The following FHAD1 variants were observed in gnomAD, a reference collection of about 807,000 sequenced individuals.
FHAD1 encodes forkhead-associated domain-containing protein 1.
FHAD1 carries 146 observed loss-of-function variants against 191.3 expected under a neutral mutation model. The observed-to-expected ratio is 0.76, with a 90% CI of 0.67 to 0.88. The LOEUF is 0.88. FHAD1 is among the 40% of genes least tolerant of loss of function. The probability of loss-of-function intolerance (pLI) is 0.00; values close to 1 mark genes in which losing one functional copy is unlikely to be tolerated. For missense variants in FHAD1, 1,635 were observed against 1,785.8 expected (o/e 0.92, Z 1.52); for synonymous variants, 616 against 672.3 (o/e 0.92, Z 1.29).
intron 1 of FHAD1, among the ~76,000 whole-genome samples, 155 bp from the exon 2 acceptor site, chr1:15,251,616 G>T (rs1001396232): frequency 6.6e-6 from 1 of 152,126 alleles, no homozygotes; most frequent in Non-Finnish European, 1.5e-5. Context: ...AATTGTCCTT[G>T]TCGTCATTGT....
In FHAD1 at chr1:15,329,008, T is replaced by C. The variant is rs1193977284; in HGVS notation, c.1711-338T>C. 3 of 184,594 alleles carry C rather than the reference T, an allele frequency of 1.6e-5. No individual in the cohort carries two copies. Among genetic ancestry groups the C allele is most frequent in the Non-Finnish European group, 3.4e-5 (3 of 88,834 alleles). The allele number at this position is 184,594 out of a possible 1,614,324, so 11.4% of individuals were successfully genotyped here. ...GAAACCACGCTTTCCGACCAGCTTGTGTGTTGATCTTGGCAGGAATTCTGA... is the reference window on the plus strand; with the variant it reads ...GAAACCACGCTTTCCGACCAGCTTGCGTGTTGATCTTGGCAGGAATTCTGA... On this transcript the variant is annotated intron_variant, in intron 13 of 33. Coordinates refer to ENST00000688493, the MANE Select transcript of FHAD1 (RefSeq NM_001391957.1). This position sits in a 1 kb window ranked among gnomAD's most constrained non-coding sequence, Gnocchi z 5.0.
chr1:15,239,604 G>GAAA (rs1645137420), intron 1 of FHAD1, among the ~76,000 whole-genome samples: 2 of 151,542 alleles, frequency 1.3e-5, no homozygotes. Context: ...AAAACAAAAA[G>GAAA]AACAACAAAG....
chr1:15,299,361 T>G (rs867048079), intron 5 of FHAD1, among the ~76,000 whole-genome samples: 2 of 152,190 alleles, frequency 1.3e-5, no homozygotes, highest in Non-Finnish European at 1.5e-5. Context: ...CTCCACTGTT[T>G]CCCTCATAGT....
chr1:15,292,498 T>C (rs1665191797), intron 4 of FHAD1, among the ~76,000 whole-genome samples: 1 of 152,216 alleles, frequency 6.6e-6, no homozygotes, highest in Non-Finnish European at 1.5e-5. Flanking sequence ...CACGCCCAGC[T>C]AATTTTTTGT....
chr1:15,383,110 C>G (rs773842980), intron 31 of FHAD1: 3 of 471,824 alleles, frequency 6.4e-6, no homozygotes, highest in Non-Finnish European at 8.8e-6. Context: ...ACTGTGCGAC[C>G]TTGTGCAGAT....
chr1:15,310,426 C>T (rs944250182), intron 7 of FHAD1, among the ~76,000 whole-genome samples: 6 of 152,158 alleles, frequency 3.9e-5, no homozygotes, highest in African/African-American at 1.2e-4. Context: ...AGGGGGATCT[C>T]GCTGGGCCCT....
intron 3 of FHAD1, among the ~76,000 whole-genome samples, chr1:15,274,134 G>A (rs1050679209): frequency 6.6e-6 from 1 of 152,158 alleles, no homozygotes; most frequent in African/African-American, 2.4e-5. Context: ...TTGCTTATCC[G>A]TTCTTCCATG....
At position 15,291,664 on chromosome 1, in the gene FHAD1, G is replaced by T. The variant is rs1483631584; in HGVS notation, c.568+1998G>T. Among the ~76,000 whole-genome samples, 6 of 152,166 alleles carry T rather than the reference G, an allele frequency of 3.9e-5. No individual in the cohort carries two copies. In the East Asian group the frequency reaches 9.6e-4, roughly 24 times the overall value. ...GCGTTATCTTACACAGTTTCTGGGG[G>T]TCAGGCATTTGGGAGTAGCTTAGCA... On this transcript the variant is annotated intron_variant, in intron 4 of 33. Transcript: ENST00000688493.
At chr1:15,309,746 C>T (rs1371699818) in intron 7 of FHAD1, among the ~76,000 whole-genome samples, 1 of 151,844 alleles carries the variant, frequency 6.6e-6, no homozygotes, top group African/African-American at 2.4e-5. Flanking sequence ...GACCCTTCTT[C>T]TTCTTCCAGT....
intron 2 of FHAD1, among the ~76,000 whole-genome samples, chr1:15,269,394 C>T (rs1403182122): frequency 1.3e-5 from 2 of 152,130 alleles, no homozygotes; most frequent in African/African-American, 2.4e-5. Context: ...TTTTTAATTT[C>T]TCCTGAGATT....
chr1:15,281,844 C>T (rs1302491593), intron 3 of FHAD1, among the ~76,000 whole-genome samples: 1 of 149,944 alleles, frequency 6.7e-6, no homozygotes, highest in Non-Finnish European at 1.5e-5. Flanking sequence ...TTGGGGATTA[C>T]TTATGTGTGT....
Position 15,382,145 on chromosome 1 carries a change from C to T in FHAD1, c.4140C>T (p.His1380=). 1 of 1,551,992 alleles carries T rather than the reference C, an allele frequency of 6.4e-7. No individual in the cohort carries two copies. The highest frequency in any genetic ancestry group is 1.4e-5 in the African/African-American group (1 of 73,132). The change falls in exon 31 of 34, where the codon CAC becomes CAT. Residue 1380 remains histidine, a synonymous_variant. Transcript: ENST00000688493. ...LLKEALERME[H]QLCQEKRINR... ...AGGAGGCCCTGGAGCGCATGGAGCACCAGCTGTGCCAGGAGAAGAGGATCA... is the reference window on the plus strand; with the variant it reads ...AGGAGGCCCTGGAGCGCATGGAGCATCAGCTGTGCCAGGAGAAGAGGATCA...
chr1:15,338,978 T>C (rs1685417144), intron 14 of FHAD1, among the ~76,000 whole-genome samples: 1 of 152,164 alleles, frequency 6.6e-6, no homozygotes, highest in African/African-American at 2.4e-5. Context: ...AAAAAGAAAG[T>C]TGGATGTGAG....
chr1:15,295,122 A>T (rs1288503729), intron 4 of FHAD1, among the ~76,000 whole-genome samples: 1 of 152,204 alleles, frequency 6.6e-6, no homozygotes, highest in African/African-American at 2.4e-5. Context: ...AATGGTTATG[A>T]GTACAGGCTC....
At chr1:15,383,577 C>G (rs1286213715) in intron 31 of FHAD1, 4 of 322,470 alleles carry the variant, frequency 1.2e-5, no homozygotes, top group Non-Finnish European at 2.5e-5. Flanking sequence ...CCACAAGGCA[C>G]TGGAACAGTG....
intron 2 of FHAD1, among the ~76,000 whole-genome samples, chr1:15,268,732 T>G (rs1003011425): frequency 7.3e-5 from 11 of 151,058 alleles, no homozygotes; most frequent in African/African-American, 2.7e-4. Context: ...TGATTTGCAT[T>G]TCTCTGATAG....
At chr1:15,288,985 TTTTG>T (rs1024974441) in intron 3 of FHAD1, among the ~76,000 whole-genome samples, 2 of 152,018 alleles carry the variant, frequency 1.3e-5, no homozygotes, top group Non-Finnish European at 2.9e-5. Flanking sequence ...CTCATTGTTT[TTTTG>T]TTTGTTTATT....
chr1:15,260,723 G>C (rs1434451813), intron 2 of FHAD1, among the ~76,000 whole-genome samples: 1 of 152,216 alleles, frequency 6.6e-6, no homozygotes, highest in Non-Finnish European at 1.5e-5. Flanking sequence ...TCATGCTTCA[G>C]ATTTCTCTGA....
At chr1:15,392,424 C>G (rs536767534) in intron 33 of FHAD1, among the ~76,000 whole-genome samples, 20 of 152,042 alleles carry the variant, frequency 1.3e-4, no homozygotes, top group Non-Finnish European at 2.5e-4. Flanking sequence ...CCCAGCTACT[C>G]GGGAGGCTGA....
Sources: allele counts gnomAD v4.1 joint callset (sites outside exome capture counted in the v4.1 genomes callset), GRCh38; gene constraint gnomAD v4.1.1; non-coding constraint Gnocchi (gnomAD v3.1); transcripts MANE v1.5; gene names NCBI Gene and HGNC (gene_info 2026-07-23, HGNC 2026-07-21).